The following LIMD1 variants were observed in gnomAD, a reference collection of about 807,000 sequenced individuals.
LIMD1 encodes the protein LIM domain-containing protein 1.
A neutral mutation model predicts 58.4 loss-of-function variants in LIMD1; 23 were observed. That is an observed-to-expected ratio of 0.39 (90% CI 0.28 to 0.56). The LOEUF is 0.56. LIMD1 is among the 20% of genes least tolerant of loss of function. The pLI, the probability that LIMD1 is intolerant of heterozygous loss-of-function variation, is 0.57. For synonymous variants in LIMD1, 334 were observed against 345.5 expected (o/e 0.97, Z 0.37); for missense variants, 838 against 855.5 (o/e 0.98, Z 0.25).
At chr3:45,660,294 A>AG (rs1235743230) in intron 2 of LIMD1, among the ~76,000 whole-genome samples, 1 of 152,106 alleles carries the variant, frequency 6.6e-6, no homozygotes, top group Admixed American at 6.6e-5. Flanking sequence ...AATTCCGAGA[A>AG]GGAAGAGGCG....
At chr3:45,623,560 C>T (rs1559517270) in intron 1 of LIMD1, among the ~76,000 whole-genome samples, 2 of 152,058 alleles carry the variant, frequency 1.3e-5, no homozygotes, top group African/African-American at 2.4e-5. Context: ...GTAAGGCCAT[C>T]GTTGGTTTTG....
chr3:45,641,030 C>T (rs936479867), intron 2 of LIMD1, among the ~76,000 whole-genome samples: 1 of 152,128 alleles, frequency 6.6e-6, no homozygotes, highest in Non-Finnish European at 1.5e-5. Flanking sequence ...CCCTTTACCT[C>T]AGTTTTCAGC....
At chr3:45,624,065 A>T (rs888519730) in intron 1 of LIMD1, among the ~76,000 whole-genome samples, 1 of 152,190 alleles carries the variant, frequency 6.6e-6, no homozygotes, top group African/African-American at 2.4e-5. Flanking sequence ...GAACCTGCTG[A>T]TGCCCAGAGC....
rs147297041 is a variant in LIMD1, at chr3:45,611,981, C to T, written c.1408+15694C>T. Among the ~76,000 whole-genome samples the T allele has an allele frequency of 5.4e-3, 825 of 151,620 alleles. 9 individuals are homozygous for T. The highest frequency in any genetic ancestry group is 0.016 in the African/African-American group (647 of 41,330). On this transcript the variant is annotated intron_variant, in intron 1 of 7. Coordinates refer to ENST00000273317, the MANE Select transcript of LIMD1 (RefSeq NM_014240.3). ...CAGAGGAAGTGAAGTTGGTGGGAGG[C>T]GGTGAGGAAGGCAGGGAGAAAGAAA...
At position 45,594,819 on chromosome 3, in the gene LIMD1, ACACACACACACACACACACACACACG is replaced by A; in HGVS notation, c.-60_-35del. On this transcript the variant is annotated 5_prime_UTR_variant, in exon 1 of 8. Coordinates refer to ENST00000273317, the MANE Select transcript of LIMD1 (RefSeq NM_014240.3). ...CACACACACACACACACACACACAC[ACACACACACACACACACACACACACG>A]GCACCTGGGCTAGGCCCGGACACCT... 1 of 707,906 alleles carries A rather than the reference ACACACACACACACACACACACACACG, an allele frequency of 1.4e-6. No individual in the cohort carries two copies. The highest frequency in any genetic ancestry group is 2.2e-5 in the African/African-American group (1 of 46,376). 43.9% of individuals were successfully genotyped at this position (707,906 alleles called of 1,614,324 possible).
At chr3:45,610,363 C>G (rs1175140066) in intron 1 of LIMD1, among the ~76,000 whole-genome samples, 1 of 152,192 alleles carries the variant, frequency 6.6e-6, no homozygotes, top group East Asian at 1.9e-4. Flanking sequence ...GTCCACATCC[C>G]TCACCCTGAC....
Position 45,645,679 on chromosome 3 carries a change from TC to T in LIMD1, c.1510+9429del, listed in dbSNP as rs1212142601. On this transcript the variant is annotated intron_variant, in intron 2 of 7. Transcript: ENST00000273317. Reference sequence around the variant, plus strand: ...CAGAGTCCTGGGTTAGGGAGTAAACTCTTTTACCTAGGCCTGACTGTATTCT... The same window carrying T: ...CAGAGTCCTGGGTTAGGGAGTAAACTTTTTACCTAGGCCTGACTGTATTCT... Among the ~76,000 whole-genome samples the T allele has an allele frequency of 2.0e-5, 3 of 152,160 alleles. No homozygotes were observed. In the East Asian group the frequency reaches 5.8e-4, roughly 29 times the overall value.
At chr3:45,631,990 A>C (rs892149338) in intron 1 of LIMD1, among the ~76,000 whole-genome samples, 2 of 152,198 alleles carry the variant, frequency 1.3e-5, no homozygotes, top group African/African-American at 4.8e-5. Flanking sequence ...AAGGGTGGGC[A>C]TGCCATGCTA....
intron 1 of LIMD1, among the ~76,000 whole-genome samples, chr3:45,625,294 A>T (rs1395273866): frequency 6.6e-6 from 1 of 152,116 alleles, no homozygotes; most frequent in Admixed American, 6.5e-5. Context: ...CCTGATTTTT[A>T]TATATAGCTC....
chr3:45,595,802 AAGG>A lies in LIMD1; in HGVS notation c.927_929del (p.Gly310del), dbSNP rs1408440682. On this transcript the variant is annotated inframe_deletion, in exon 1 of 8. Transcript: ENST00000273317. ...CCCTTGGCCCTGAGCTGCCCCAGGCAAGGAGGTCTTCCAAGATCAAACTCGGGG... is the reference window on the plus strand; with the variant it reads ...CCCTTGGCCCTGAGCTGCCCCAGGCAAGGTCTTCCAAGATCAAACTCGGGG... 1 of 1,614,000 alleles carries A rather than the reference AAGG, an allele frequency of 6.2e-7. No homozygotes were observed. Among genetic ancestry groups the A allele is most frequent in the East Asian group, 2.2e-5 (1 of 44,890 alleles).
rs189253114 is a variant in LIMD1 at position 45,681,621 on chromosome 3, G to A, written c.*4562G>A. The stretch of plus-strand genomic sequence containing the variant: ...TTACAAGAGGAACCCCCATGCTTAG[G>A]GGACCCTGGTATTTGATAATGGGCA... On this transcript the variant is annotated 3_prime_UTR_variant, in exon 8 of 8. Coordinates refer to ENST00000273317, the MANE Select transcript of LIMD1 (RefSeq NM_014240.3). The A allele has an allele frequency of 8.5e-5, 13 of 152,328 alleles. No individual in the cohort carries two copies. Among genetic ancestry groups the A allele is most frequent in the African/African-American group, 3.1e-4 (13 of 41,580 alleles). 9.4% of individuals were successfully genotyped at this position (152,328 alleles called of 1,614,324 possible). A position where few individuals can be genotyped will look rare whatever the true frequency, so the allele number is the denominator to read the frequency against.
chr3:45,656,921 G>C (rs1309792382), intron 2 of LIMD1, among the ~76,000 whole-genome samples: 4 of 152,268 alleles, frequency 2.6e-5, no homozygotes, highest in Admixed American at 2.6e-4. Flanking sequence ...AAATTGTGCT[G>C]CTTCAACCTG....
chr3:45,596,311 G>C (rs1365165819), intron 1 of LIMD1, 24 bp downstream of exon 1: 1 of 1,553,430 alleles, frequency 6.4e-7, no homozygotes, highest in Non-Finnish European at 8.7e-7. Flanking sequence ...TGGTGGAGTT[G>C]CCTATGGTGG....
intron 1 of LIMD1, among the ~76,000 whole-genome samples, chr3:45,615,291 T>G (rs919678082): frequency 6.6e-6 from 1 of 152,230 alleles, no homozygotes; most frequent in African/African-American, 2.4e-5. Flanking sequence ...TTCTCTGCTG[T>G]TACTCTCCAT....
chr3:45,606,043 G>A (rs1307475254), intron 1 of LIMD1, among the ~76,000 whole-genome samples: 1 of 152,194 alleles, frequency 6.6e-6, no homozygotes, highest in Non-Finnish European at 1.5e-5. Flanking sequence ...TTTAGCTGGG[G>A]TTATGGCTCT....
At chr3:45,656,871 A>G (rs1028086893) in intron 2 of LIMD1, among the ~76,000 whole-genome samples, 9 of 152,164 alleles carry the variant, frequency 5.9e-5, no homozygotes, top group Non-Finnish European at 1.2e-4. Context: ...AGATTAATGA[A>G]ATGACTCAAG....
chr3:45,644,088 T>C (rs1297261519), intron 2 of LIMD1, among the ~76,000 whole-genome samples: 1 of 152,210 alleles, frequency 6.6e-6, no homozygotes, highest in East Asian at 1.9e-4. Flanking sequence ...CCTTTCTTAG[T>C]AATAAAAAGC....
In LIMD1 at chr3:45,596,033, C is replaced by G. The variant is rs1254279604; in HGVS notation, c.1154C>G (p.Pro385Arg). 1 of 1,614,108 alleles carries G rather than the reference C, an allele frequency of 6.2e-7. No homozygotes were observed. Among genetic ancestry groups the G allele is most frequent in the Non-Finnish European group, 8.5e-7 (1 of 1,180,052 alleles). The change falls in exon 1 of 8, where the codon CCC becomes CGC. Residue 385 changes from proline to arginine, a missense_variant. This residue lies in a region of LIMD1 where 659 missense variants were observed against 639.8 expected (regional missense o/e 1.03). Transcript: ENST00000273317. ...CTTGGCACTGGTCCCAAGCTCAGCC[C>G]CACCAGTCTTGTCCATCCAGTGATG... ...TDLGTGPKLS[P>R]TSLVHPVMST...
intron 1 of LIMD1, 88 bp from the exon 2 acceptor site, chr3:45,636,062 T>A: frequency 6.4e-7 from 1 of 1,570,202 alleles, no homozygotes; most frequent in Non-Finnish European, 8.6e-7. Context: ...TGGGGAGGGA[T>A]GGTATTATGC....
Sources: gnomAD v4.1 joint callset for allele counts (sites outside exome capture counted in the v4.1 genomes callset) on GRCh38, gnomAD v4.1.1 for gene constraint, gnomAD v4.1.1 regional missense constraint, MANE v1.5 for transcripts, NCBI Gene and HGNC (gene_info 2026-07-23, HGNC 2026-07-21) for gene names.